Variants in C3orf22 observed in about 807,000 individuals in gnomAD.
The protein encoded by C3orf22 is chromosome 3 open reading frame 22, also known as uncharacterized protein C3orf22.
A neutral mutation model predicts 10.8 loss-of-function variants in C3orf22; 7 were observed. That is an observed-to-expected ratio of 0.65 (90% CI 0.37 to 1.22). The LOEUF is 1.22. Ranked by LOEUF, C3orf22 falls within the 50% of genes most tolerant of loss-of-function variation. The pLI is 0.02. For synonymous variants in C3orf22, 79 were observed against 78.9 expected (o/e 1.00, Z 0.00); for missense variants, 173 against 177.0 (o/e 0.98, Z 0.13).
intron 5 of C3orf22, among the ~76,000 whole-genome samples, chr3:126,528,881 T>C (rs2107562359): frequency 6.6e-6 from 1 of 152,328 alleles, no homozygotes; most frequent in Non-Finnish European, 1.5e-5. Context: ...TGTCCCTGAC[T>C]CTGAGACATG....
intron 2 of C3orf22, among the ~76,000 whole-genome samples, chr3:126,552,338 G>T (rs1415238813): frequency 2.6e-5 from 4 of 152,250 alleles, no homozygotes; most frequent in African/African-American, 9.6e-5. Flanking sequence ...CAGGAGGTGG[G>T]AACTAAGCTG....
downstream of C3orf22, chr3:126,549,575 A>G: frequency 8.8e-7 from 1 of 1,133,402 alleles, no homozygotes. Flanking sequence ...CCTAGAAGTG[A>G]CATTCATGCT....
intron 4 of C3orf22, among the ~76,000 whole-genome samples, chr3:126,537,387 G>A (rs1223329476): frequency 6.6e-6 from 1 of 152,238 alleles, no homozygotes; most frequent in East Asian, 1.9e-4. Flanking sequence ...AGCCATGCAA[G>A]GTTTTAAGCA....
At chr3:126,550,171 G>A in intron 3 of C3orf22, 93 bp from the exon 4 acceptor site, 1 of 1,405,556 alleles carries the variant, frequency 7.1e-7, no homozygotes, top group Non-Finnish European at 9.7e-7. Flanking sequence ...GCCACATCTG[G>A]GAGGGCTCCA....
chr3:126,558,066 A>G (rs1473761140), intron 1 of C3orf22, among the ~76,000 whole-genome samples: 1 of 152,172 alleles, frequency 6.6e-6, no homozygotes, highest in Non-Finnish European at 1.5e-5. Context: ...GGGGCAGGGG[A>G]AGCCTGGGCC....
chr3:126,536,753 G>A (rs575118639), intron 4 of C3orf22, among the ~76,000 whole-genome samples: 4 of 151,842 alleles, frequency 2.6e-5, no homozygotes, highest in South Asian at 2.1e-4. Context: ...TGGACCAGGC[G>A]GGGCTGGCTG....
At chr3:126,534,997 CAG>C (rs1936740408) in intron 4 of C3orf22, among the ~76,000 whole-genome samples, 1 of 142,354 alleles carries the variant, frequency 7.0e-6, no homozygotes, top group Admixed American at 7.1e-5. Context: ...AGCCGGGAGA[CAG>C]ACAGACAGCA....
intron 4 of C3orf22, chr3:126,542,288 C>A: frequency 6.4e-7 from 1 of 1,566,478 alleles, no homozygotes; most frequent in Non-Finnish European, 8.6e-7. Context: ...CTTCAACGAG[C>A]ACTGGGAGCG....
intron 4 of C3orf22, among the ~76,000 whole-genome samples, chr3:126,535,689 C>T (rs995828135): frequency 6.6e-6 from 1 of 152,286 alleles, no homozygotes; most frequent in Non-Finnish European, 1.5e-5. Context: ...TCCCTCTTCT[C>T]ATCTGGAGAT....
chr3:126,528,337 A>G (rs942234895), intron 5 of C3orf22, among the ~76,000 whole-genome samples: 8 of 152,138 alleles, frequency 5.3e-5, no homozygotes, highest in African/African-American at 1.9e-4. Flanking sequence ...AAAAGCAAAA[A>G]GTCCCCTTCC....
At chr3:126,551,501 C>T (rs1203119088) in intron 3 of C3orf22, among the ~76,000 whole-genome samples, 1 of 152,178 alleles carries the variant, frequency 6.6e-6, no homozygotes, top group Non-Finnish European at 1.5e-5. Flanking sequence ...CAAAGGTGTG[C>T]AGGGTTTCTT....
At chr3:126,538,499 AC>A (rs1560141563) in intron 4 of C3orf22, among the ~76,000 whole-genome samples, 1 of 152,218 alleles carries the variant, frequency 6.6e-6, no homozygotes, top group African/African-American at 2.4e-5. Context: ...GCAACGACAC[AC>A]GAAGCTGAAG....
Position 126,556,757 on chromosome 3 carries a change from G to T in C3orf22, c.-41+1870C>A, listed in dbSNP as rs566344863. ...CTCATACTCACAGACTCACACATAC[G>T]CACACTCACACAGACTCACACACTC... is the stretch of plus-strand genomic sequence containing the variant. On this transcript the variant is annotated intron_variant, in intron 1 of 3. Coordinates refer to ENST00000318225, the MANE Select transcript of C3orf22 (RefSeq NM_152533.3). 3.5e-5 allele frequency among the ~76,000 whole-genome samples: 5 copies of T among 143,528 alleles called. No homozygotes were observed. The East Asian group carries it at 1.0e-3, about 30-fold the overall frequency. 94.2% of individuals were successfully genotyped at this position (143,528 alleles called of 152,430 possible).
chr3:126,550,287 C>A (rs1937152387), intron 3 of C3orf22, among the ~76,000 whole-genome samples: 1 of 152,140 alleles, frequency 6.6e-6, no homozygotes. Context: ...CACCCCCCCA[C>A]ACAGGCTCCT....
chr3:126,528,551 A>G (rs929037760), intron 5 of C3orf22, among the ~76,000 whole-genome samples: 42 of 152,000 alleles, frequency 2.8e-4, no homozygotes, highest in African/African-American at 9.9e-4. Flanking sequence ...GAGAAATAGG[A>G]GATAGGTGAG....
intron 2 of C3orf22, among the ~76,000 whole-genome samples, chr3:126,552,627 G>C (rs899476054): frequency 3.3e-5 from 5 of 152,236 alleles, no homozygotes; most frequent in Non-Finnish European, 5.9e-5. Context: ...GAGCGTGGCT[G>C]CCCTGGTGGT....
At chr3:126,546,406 AG>A (rs1937068119), downstream of C3orf22, among the ~76,000 whole-genome samples, 1 of 152,196 alleles carries the variant, frequency 6.6e-6, no homozygotes, top group Non-Finnish European at 1.5e-5. Flanking sequence ...TGTTCTCCCC[AG>A]TCTTATGTGG....
intron 4 of C3orf22, chr3:126,536,278 A>C (rs768192036): frequency 1.3e-5 from 21 of 1,613,746 alleles, no homozygotes; most frequent in Non-Finnish European, 1.8e-5. Flanking sequence ...CAGCATTTGG[A>C]AACAGAGCCC....
At chr3:126,549,251 GC>G (rs113455201), downstream of C3orf22, among the ~76,000 whole-genome samples, 525 of 98,274 alleles carry the variant, frequency 5.3e-3, 6 homozygotes, top group African/African-American at 0.019. Flanking sequence ...CCTCATCCAC[GC>G]CCCCCCCCCC....
Sources: gnomAD v4.1 joint callset for allele counts (sites outside exome capture counted in the v4.1 genomes callset) on GRCh38, gnomAD v4.1.1 for gene constraint, MANE v1.5 for transcripts, NCBI Gene and HGNC (gene_info 2026-07-23, HGNC 2026-07-21) for gene names.